The following ADARB2 variants were observed in gnomAD, a reference collection of about 807,000 sequenced individuals.
The protein encoded by ADARB2 is adenosine deaminase RNA specific B2 (inactive), also known as inactive double-stranded RNA-specific editase B2.
In ADARB2, 25 loss-of-function variants were observed where a neutral mutation model predicts 62.2. The observed-to-expected ratio is 0.40, with a 90% CI of 0.29 to 0.56. ADARB2 has a LOEUF of 0.56. Among genes scored for constraint, ADARB2 ranks in the 20% least tolerant of loss-of-function variants. The pLI is 0.43. For synonymous variants in ADARB2, 572 were observed against 500.8 expected, an observed-to-expected ratio of 1.14 and a Z score of -1.90; for missense variants, 1,071 against 1,077.4, an observed-to-expected ratio of 0.99 and a Z score of 0.08.
At chr10:1,673,893 C>G (rs540439250) in intron 1 of ADARB2, among the ~76,000 whole-genome samples, 1 of 152,346 alleles carries the variant, frequency 6.6e-6, no homozygotes, top group Admixed American at 6.5e-5. Flanking sequence ...TGCCTTCATC[C>G]TTTCATAAAA....
chr10:1,315,059 A>T (rs1831725826), intron 3 of ADARB2, among the ~76,000 whole-genome samples: 1 of 152,142 alleles, frequency 6.6e-6, no homozygotes, highest in Non-Finnish European at 1.5e-5. Context: ...CGTACAGTTA[A>T]GGGGTCCTGG....
chr10:1,425,204 C>T (rs370549542), intron 1 of ADARB2, among the ~76,000 whole-genome samples: 1 of 152,130 alleles, frequency 6.6e-6, no homozygotes, highest in Non-Finnish European at 1.5e-5. Context: ...GTTTCAGGAA[C>T]AAGAATTGAG....
At chr10:1,577,447 G>GGAAAGAAGCTCAGGTGCATCC (rs1588309438) in intron 1 of ADARB2, among the ~76,000 whole-genome samples, 1 of 152,088 alleles carries the variant, frequency 6.6e-6, no homozygotes, top group African/African-American at 2.4e-5. Context: ...GAAGGTGGAT[G>GGAAAGAAGCTCAGGTGCATCC]TTGTTTATTG....
At chr10:1,659,646 G>A (rs1834219250) in intron 1 of ADARB2, among the ~76,000 whole-genome samples, 1 of 152,248 alleles carries the variant, frequency 6.6e-6, no homozygotes, top group African/African-American at 2.4e-5. Context: ...AGAGCCTGGT[G>A]AACTCGCCTA....
At chr10:1,604,666 C>T (rs1353280141) in intron 1 of ADARB2, among the ~76,000 whole-genome samples, 1 of 152,122 alleles carries the variant, frequency 6.6e-6, no homozygotes, top group Non-Finnish European at 1.5e-5. Flanking sequence ...CTGTTAACAC[C>T]AAAAGGAAAG....
At chr10:1,233,866 G>C in intron 5 of ADARB2, 21 bp from the exon 6 acceptor site, 1 of 1,607,678 alleles carries the variant, frequency 6.2e-7, no homozygotes, top group South Asian at 1.1e-5. Context: ...AAAGAGGTTT[G>C]GGGTCATTTA....
chr10:1,420,696 G>T (rs1366214900), intron 1 of ADARB2, among the ~76,000 whole-genome samples: 1 of 151,976 alleles, frequency 6.6e-6, no homozygotes, highest in Non-Finnish European at 1.5e-5. Flanking sequence ...TGACAGAGAG[G>T]GAGCCGCTGC....
chr10:1,681,959 C>T (rs530390841), intron 1 of ADARB2, among the ~76,000 whole-genome samples: 3 of 152,280 alleles, frequency 2.0e-5, no homozygotes, highest in African/African-American at 7.2e-5. Context: ...AACAGCAGGG[C>T]ATGGCAAAAT....
At chr10:1,470,633 A>C (rs554558211) in intron 1 of ADARB2, among the ~76,000 whole-genome samples, 1 of 152,364 alleles carries the variant, frequency 6.6e-6, no homozygotes, top group East Asian at 1.9e-4. Flanking sequence ...ACCAATTTTT[A>C]GCAAATTTTA....
At chr10:1,406,603 A>G (rs937135874) in intron 1 of ADARB2, among the ~76,000 whole-genome samples, 1 of 152,192 alleles carries the variant, frequency 6.6e-6, no homozygotes. Context: ...ACTCCCAGAC[A>G]ATTTAATTTT....
chr10:1,642,800 A>T (rs973457983), intron 1 of ADARB2, among the ~76,000 whole-genome samples: 1 of 151,984 alleles, frequency 6.6e-6, no homozygotes, highest in African/African-American at 2.4e-5. Context: ...CACACTCAGT[A>T]TTCAGACACA....
intron 1 of ADARB2, among the ~76,000 whole-genome samples, chr10:1,528,846 G>A (rs1832182231): frequency 6.6e-6 from 1 of 152,172 alleles, no homozygotes; most frequent in Non-Finnish European, 1.5e-5. Flanking sequence ...TTTTGAAAGT[G>A]TATTTACCCA....
chr10:1,726,472 G>T (rs550784805), intron 1 of ADARB2, among the ~76,000 whole-genome samples: 2 of 152,240 alleles, frequency 1.3e-5, no homozygotes, highest in East Asian at 1.9e-4. Flanking sequence ...TTGAGTGGAC[G>T]TGGTGCTGCC....
At chr10:1,190,918 G>C (rs1329820270) in intron 8 of ADARB2, among the ~76,000 whole-genome samples, 1 of 152,238 alleles carries the variant, frequency 6.6e-6, no homozygotes, top group African/African-American at 2.4e-5. Flanking sequence ...TGAACTTCGG[G>C]ACTGGTCTAA....
At chr10:1,215,369 C>T (rs891801960) in intron 7 of ADARB2, among the ~76,000 whole-genome samples, 7 of 152,220 alleles carry the variant, frequency 4.6e-5, no homozygotes, top group East Asian at 3.9e-4. Flanking sequence ...CTCCCCAGAT[C>T]GTGCTGTGGT....
chr10:1,280,519 T>C (rs971580201), intron 3 of ADARB2, among the ~76,000 whole-genome samples: 1 of 151,974 alleles, frequency 6.6e-6, no homozygotes, highest in South Asian at 2.1e-4. Flanking sequence ...GAAAATTGTG[T>C]TTGCCATTTT....
At chr10:1,392,143 A>G (rs922829652) in intron 1 of ADARB2, among the ~76,000 whole-genome samples, 1 of 152,164 alleles carries the variant, frequency 6.6e-6, no homozygotes, top group African/African-American at 2.4e-5. Flanking sequence ...ACATAAATCG[A>G]GCACTTTGAG....
intron 1 of ADARB2, among the ~76,000 whole-genome samples, chr10:1,512,594 A>G (rs74912533): frequency 6.8e-4 from 104 of 152,370 alleles, no homozygotes; most frequent in African/African-American, 2.5e-3. Context: ...TCCAAGTCTC[A>G]TGACATGGAG....
intron 1 of ADARB2, among the ~76,000 whole-genome samples, chr10:1,582,495 A>G (rs1393890364): frequency 1.3e-5 from 2 of 152,160 alleles, no homozygotes; most frequent in Non-Finnish European, 2.9e-5. Flanking sequence ...GAATAAATCC[A>G]TGCATTTTTT....
Sources: allele counts gnomAD v4.1 joint callset (sites outside exome capture counted in the v4.1 genomes callset), GRCh38; gene constraint gnomAD v4.1.1; transcripts MANE v1.5; gene names NCBI Gene and HGNC (gene_info 2026-07-23, HGNC 2026-07-21).